The following NCK2 variants were observed in gnomAD, a reference collection of about 807,000 sequenced individuals.
The protein encoded by NCK2 is NCK adaptor protein 2, also known as cytoplasmic protein NCK2.
NCK2 carries 16 observed loss-of-function variants against 33.9 expected under a neutral mutation model. That is an observed-to-expected ratio of 0.47 (90% CI 0.32 to 0.72). The LOEUF (loss-of-function observed/expected upper bound fraction) is 0.72. Among genes scored for constraint, NCK2 ranks in the 30% least tolerant of loss-of-function variants. NCK2 has a pLI of 0.03. For missense variants in NCK2, 418 were observed against 537.3 expected (o/e 0.78, Z 2.19); for synonymous variants, 273 against 239.9 (o/e 1.14, Z -1.27).
chr2:105,820,546 A>T (rs559125393), intron 2 of NCK2, among the ~76,000 whole-genome samples: 2 of 152,252 alleles, frequency 1.3e-5, no homozygotes, highest in East Asian at 3.9e-4. Flanking sequence ...AAGTTAAGGA[A>T]CAAAGTCTTG....
intron 1 of NCK2, among the ~76,000 whole-genome samples, chr2:105,801,753 A>G (rs1042042924): frequency 2.6e-5 from 4 of 151,842 alleles, no homozygotes; most frequent in African/African-American, 9.7e-5. Context: ...AATGAGAGTC[A>G]TTTTCGTGTC....
chr2:105,855,365 G>A lies in NCK2; in HGVS notation c.226+76G>A, dbSNP rs1677218071. On this transcript the variant is annotated intron_variant, in intron 3 of 4. Transcript: ENST00000233154. ...TGTTCGTCTTTCTAGTTAGTTTGCT[G>A]TTTCAAAAAAAAAAAAGTCTGTTTT... 1.9e-5 allele frequency: 17 copies of A among 904,086 alleles called. 1 individual carries two copies. The South Asian group carries it at 1.9e-4, about 10-fold the overall frequency. 56.0% of individuals were successfully genotyped at this position (904,086 alleles called of 1,614,324 possible). A position where few individuals can be genotyped will look rare whatever the true frequency, so the allele number is the denominator to read the frequency against.
intron 2 of NCK2, among the ~76,000 whole-genome samples, chr2:105,826,019 G>A (rs1243661440): frequency 1.3e-5 from 2 of 152,174 alleles, no homozygotes; most frequent in Non-Finnish European, 2.9e-5. Flanking sequence ...ACATCCCTTA[G>A]AAGGCTGATA....
At chr2:105,816,920 G>C (rs896773398) in intron 2 of NCK2, among the ~76,000 whole-genome samples, 1 of 152,138 alleles carries the variant, frequency 6.6e-6, no homozygotes, top group Non-Finnish European at 1.5e-5. Flanking sequence ...CCTGTATTCT[G>C]TATGGGACAG....
intron 1 of NCK2, among the ~76,000 whole-genome samples, chr2:105,762,749 G>A (rs1689807703): frequency 6.6e-6 from 1 of 152,140 alleles, no homozygotes; most frequent in South Asian, 2.1e-4. Context: ...TTTTATCATT[G>A]CTCTCAAATT....
At chr2:105,856,784 CCTT>C (rs1438357506) in intron 3 of NCK2, 7 of 152,178 alleles carry the variant, frequency 4.6e-5, no homozygotes, top group Non-Finnish European at 7.3e-5. Flanking sequence ...GCAATATGCT[CCTT>C]CTCCACTGAG....
intron 1 of NCK2, among the ~76,000 whole-genome samples, chr2:105,800,355 A>T (rs751850850): frequency 6.6e-6 from 1 of 152,224 alleles, no homozygotes; most frequent in Non-Finnish European, 1.5e-5. Context: ...GAGATAGTGC[A>T]TAAAGAGGGC....
chr2:105,805,764 A>C (rs1475297838), intron 1 of NCK2, among the ~76,000 whole-genome samples: 1 of 152,188 alleles, frequency 6.6e-6, no homozygotes. Context: ...CGTTATTGCA[A>C]ATGGCAGGAT....
chr2:105,795,719 C>T (rs879505351), intron 1 of NCK2, among the ~76,000 whole-genome samples: 4 of 152,102 alleles, frequency 2.6e-5, no homozygotes, highest in African/African-American at 4.8e-5. Flanking sequence ...GACAGCTCCA[C>T]GACAAAGAAT....
Position 105,881,832 on chromosome 2 carries a change from T to G in NCK2, c.731T>G (p.Val244Gly). Reference sequence around the variant, plus strand: ...AAATGCAAAAATGCCCGGGGCCAGGTGGGCCTCGTCCCCAAAAACTACGTG... The same window carrying G: ...AAATGCAAAAATGCCCGGGGCCAGGGGGGCCTCGTCCCCAAAAACTACGTG... ...WWKCKNARGQ[V>G]GLVPKNYVVV... The change falls in exon 4 of 5, where the codon GTG (valine) becomes GGG (glycine). Residue 244 changes from valine to glycine, a missense_variant. Val to Gly is a moderately radical substitution (Grantham distance 109, BLOSUM62 -3). Coordinates refer to ENST00000233154, the MANE Select transcript of NCK2 (RefSeq NM_003581.5). 1 of 1,603,276 alleles carries G rather than the reference T, an allele frequency of 6.2e-7. No homozygotes were observed. The highest frequency in any genetic ancestry group is 8.5e-7 in the Non-Finnish European group (1 of 1,173,808).
In NCK2 at chr2:105,881,899, C is replaced by A. The variant is rs1678513390; in HGVS notation, c.798C>A (p.Ala266=). 6.4e-7 allele frequency: 1 copy of A among 1,569,568 alleles called. No homozygotes were observed. Among genetic ancestry groups the A allele is most frequent in the Admixed American group, 1.9e-5 (1 of 54,022 alleles). The change falls in exon 4 of 5, where the codon GCC becomes GCA. Residue 266 remains alanine (A), a synonymous_variant. Transcript: ENST00000233154. ...SDGPALHPAH[A]PQISYTGPSS... is the part of the protein sequence containing the mutation. Reference sequence around the variant, plus strand: ...GGCCTGCCCTGCACCCTGCGCACGCCCCACAGATAAGCTACACCGGGCCCT... The same window carrying A: ...GGCCTGCCCTGCACCCTGCGCACGCACCACAGATAAGCTACACCGGGCCCT...
intron 2 of NCK2, among the ~76,000 whole-genome samples, chr2:105,841,583 A>T (rs1676647945): frequency 6.6e-6 from 1 of 152,172 alleles, no homozygotes; most frequent in Admixed American, 6.5e-5. Flanking sequence ...ACCCTTGGCC[A>T]TGGATAATCA....
chr2:105,799,347 T>C (rs577519714), intron 1 of NCK2, among the ~76,000 whole-genome samples: 26 of 152,322 alleles, frequency 1.7e-4, no homozygotes, highest in Non-Finnish European at 2.9e-4. Flanking sequence ...TTTTTCATTG[T>C]AAATCTTGGA....
intron 3 of NCK2, among the ~76,000 whole-genome samples, chr2:105,858,046 GGTTTTTTTTTT>G (rs1485024123): frequency 1.6e-5 from 2 of 125,148 alleles, no homozygotes; most frequent in Non-Finnish European, 3.5e-5. Context: ...TGTTTTTTGG[GGTTTTTTTTTT>G]GTTTTTTTTT....
intron 3 of NCK2, among the ~76,000 whole-genome samples, chr2:105,872,416 T>C (rs1375688283): frequency 4.6e-5 from 7 of 152,198 alleles, no homozygotes; most frequent in Non-Finnish European, 7.3e-5. Flanking sequence ...GGGTACTTCC[T>C]GTCCTCACCT....
At chr2:105,825,681 G>A (rs555324790) in intron 2 of NCK2, among the ~76,000 whole-genome samples, 7 of 152,266 alleles carry the variant, frequency 4.6e-5, no homozygotes, top group East Asian at 1.9e-4. Context: ...GATTTTTTAC[G>A]GAGCCCTTAT....
chr2:105,842,851 T>G (rs1486493069), intron 2 of NCK2, among the ~76,000 whole-genome samples: 5 of 126,156 alleles, frequency 4.0e-5, no homozygotes, highest in African/African-American at 9.3e-5. Context: ...TTCAGGGGGG[T>G]GGACGCTGTG....
chr2:105,747,623 CAAGT>C (rs1244678428), intron 1 of NCK2, among the ~76,000 whole-genome samples: 1 of 152,200 alleles, frequency 6.6e-6, no homozygotes. Context: ...TTTGGAAAAA[CAAGT>C]AAGCTAACTT....
At chr2:105,888,772 G>A (rs1191329000) in intron 4 of NCK2, among the ~76,000 whole-genome samples, 1 of 152,188 alleles carries the variant, frequency 6.6e-6, no homozygotes, top group Non-Finnish European at 1.5e-5. Flanking sequence ...TGAGCCAGCT[G>A]TCATGTTGAG....
Sources: allele counts gnomAD v4.1 joint callset (sites outside exome capture counted in the v4.1 genomes callset), GRCh38; gene constraint gnomAD v4.1.1; transcripts MANE v1.5; gene names NCBI Gene and HGNC (gene_info 2026-07-23, HGNC 2026-07-21).